ALDH7A1: variants seen among roughly 807,000 people sequenced by gnomAD.
ALDH7A1 encodes the protein aldehyde dehydrogenase 7 family member A1, also known as alpha-aminoadipic semialdehyde dehydrogenase.
Under a neutral mutation model 79.9 loss-of-function variants are expected in ALDH7A1, and 63 were observed. That is an observed-to-expected ratio of 0.79 (90% CI 0.64 to 0.97). The LOEUF (loss-of-function observed/expected upper bound fraction) is 0.97, where lower values mean the gene tolerates loss of function less well. Ranked by LOEUF, ALDH7A1 falls within the 50% of genes least tolerant of loss-of-function variation. The pLI is 0.00. For synonymous variants in ALDH7A1, 240 were observed against 231.2 expected (o/e 1.04, Z -0.34); for missense variants, 627 against 665.2 (o/e 0.94, Z 0.63).
Position 126,594,610 on chromosome 5 carries a change from A to G in ALDH7A1, c.192+397T>C, listed in dbSNP as rs191195826. The stretch of plus-strand genomic sequence containing the variant: ...CAGGCATGCGCCACCACGCCCGGCT[A>G]TTTTGTATTTTTTTTAGTAGAGACA... On this transcript the variant is annotated intron_variant, in intron 1 of 17. Coordinates refer to ENST00000409134, the MANE Select transcript of ALDH7A1 (RefSeq NM_001182.5). Among the ~76,000 whole-genome samples the G allele has an allele frequency of 1.6e-3, 240 of 151,126 alleles. 1 individual carries two copies. Among genetic ancestry groups the G allele is most frequent in the Middle Eastern group, 6.8e-3 (2 of 294 alleles).
In ALDH7A1 at chr5:126,549,226, G is replaced by T. The variant is rs76906689; in HGVS notation, c.1489+703C>A. ...GGAGTGCAGGGGCAAGGGGTGAACT[G>T]AAAACAGCAAAGTCCGTGCATCAAA... On this transcript the variant is annotated intron_variant, in intron 16 of 17. Coordinates refer to ENST00000409134, the MANE Select transcript of ALDH7A1 (RefSeq NM_001182.5). 5.4e-3 allele frequency among the ~76,000 whole-genome samples: 821 copies of T among 152,206 alleles called. 3 individuals carry two copies. Among genetic ancestry groups the T allele is most frequent in the Middle Eastern group, 0.02 (6 of 294 alleles).
chr5:126,567,189 T>G (rs1750611768), intron 9 of ALDH7A1, among the ~76,000 whole-genome samples: 1 of 152,158 alleles, frequency 6.6e-6, no homozygotes, highest in South Asian at 2.1e-4. Context: ...TGCTAGCCAA[T>G]TGGGAGAAAT....
chr5:126,584,683 T>C (rs1751301332), intron 3 of ALDH7A1, among the ~76,000 whole-genome samples: 1 of 123,206 alleles, frequency 8.1e-6, no homozygotes, highest in Non-Finnish European at 1.7e-5. Context: ...AAAAAAAGAT[T>C]GCAGTGGTAA....
chr5:126,588,097 T>A (rs376152749), intron 3 of ALDH7A1: 4 of 152,278 alleles, frequency 2.6e-5, no homozygotes, highest in African/African-American at 9.6e-5. Flanking sequence ...AGATCCTGAA[T>A]GTGAAAATAG....
In ALDH7A1 at chr5:126,550,160, G is replaced by C. The variant is rs7737529; in HGVS notation, c.1415+36C>G. 3,085 of 1,592,768 alleles carry C rather than the reference G, an allele frequency of 1.9e-3. 51 individuals carry two copies. The African/African-American group carries it at 0.037, about 19-fold the overall frequency. On this transcript the variant is annotated intron_variant, in intron 15 of 17. Transcript: ENST00000409134. ...TTAAGTCCACTCACCACATAAATCA[G>C]ACTTATATAAATTTTCAAAATAGAC... is the stretch of plus-strand genomic sequence containing the variant.
intron 7 of ALDH7A1, among the ~76,000 whole-genome samples, chr5:126,572,657 A>G (rs527322116): frequency 6.6e-6 from 1 of 152,368 alleles, no homozygotes; most frequent in South Asian, 2.1e-4. Flanking sequence ...TCCTGAGTGC[A>G]GTGACACTTG....
chr5:126,582,701 T>C, intron 5 of ALDH7A1, 150 bp downstream of exon 5: 3 of 931,874 alleles, frequency 3.2e-6, no homozygotes, highest in South Asian at 1.6e-5. Flanking sequence ...CTGTTTTAAT[T>C]TGCATTTCTT....
chr5:126,544,811 CTT>C lies in ALDH7A1; in HGVS notation c.*152_*153del. ...ATTTTGATTTTTAAAAAAGGAATCT[CTT>C]GATTTAATCAGGGCTTTGGGGTCAT... On this transcript the variant is annotated 3_prime_UTR_variant, in exon 18 of 18. Transcript: ENST00000409134. The C allele has an allele frequency of 3.1e-6, 2 of 655,574 alleles. No homozygotes were observed. The highest frequency in any genetic ancestry group is 5.4e-6 in the Non-Finnish European group (2 of 370,094). 40.6% of individuals were successfully genotyped at this position (655,574 alleles called of 1,614,324 possible).
At chr5:126,564,494 G>C in intron 9 of ALDH7A1, 3 of 1,231,078 alleles carry the variant, frequency 2.4e-6, no homozygotes, top group Non-Finnish European at 3.1e-6. Flanking sequence ...ATTTCCTTAA[G>C]TGCACTTTAA....
intron 3 of ALDH7A1, chr5:126,591,831 A>T (rs2041379663): frequency 6.6e-6 from 1 of 151,882 alleles, no homozygotes; most frequent in South Asian, 2.1e-4. Flanking sequence ...AATGGTGGAG[A>T]CTCAGAGACC....
In ALDH7A1 at chr5:126,595,095, T is replaced by C. The variant is rs547648880; in HGVS notation, c.104A>G (p.Asn35Ser). 2.5e-6 allele frequency: 4 copies of C among 1,600,086 alleles called. No homozygotes were observed. Among genetic ancestry groups the C allele is most frequent in the East Asian group, 2.3e-5 (1 of 44,184 alleles). The change falls in exon 1 of 18, where the codon AAT becomes AGT. Residue 35 changes from asparagine to serine, a missense_variant. Asn to Ser is a conservative substitution (Grantham distance 46, BLOSUM62 1). Transcript: ENST00000409134. ...PAAFMSTLLI[N>S]QPQYAWLKEL... ...TTTCAGCCACGCATACTGGGGCTGATTGATGAGGAGAGTGGACATGAAGGC... is the reference window on the plus strand; with the variant it reads ...TTTCAGCCACGCATACTGGGGCTGACTGATGAGGAGAGTGGACATGAAGGC...
chr5:126,593,608 CT>C (rs1330759537), intron 1 of ALDH7A1: 3 of 716,098 alleles, frequency 4.2e-6, no homozygotes, highest in Non-Finnish European at 6.8e-6. Context: ...AACTACCTTT[CT>C]GCAAAACTCG....
rs370600434 is a variant in ALDH7A1, at chr5:126,565,631, T to C, written c.871+2628A>G. 4.5e-4 allele frequency among the ~76,000 whole-genome samples: 68 copies of C among 152,316 alleles called. No individual in the cohort carries two copies. In the South Asian group the frequency reaches 0.013, roughly 28 times the overall value. On this transcript the variant is annotated intron_variant, in intron 9 of 17. Transcript: ENST00000409134. ...ATTTTGATAAAAACTAATTTGTCTT[T>C]TAATTGTTGTTGCTTGTGCTTTAGT...
rs386404930 is a variant in ALDH7A1 at position 126,571,150 on chromosome 5, A to ATTTTTTTTT, written c.696-300_696-292dup. 556 of 221,784 alleles carry ATTTTTTTTT rather than the reference A, an allele frequency of 2.5e-3. 20 individuals are homozygous for ATTTTTTTTT. Among genetic ancestry groups the ATTTTTTTTT allele is most frequent in the African/African-American group, 0.012 (449 of 37,030 alleles). The allele number at this position is 221,784 out of a possible 1,614,324, so 13.7% of individuals were successfully genotyped here. On this transcript the variant is annotated intron_variant, in intron 7 of 17. Coordinates refer to ENST00000409134, the MANE Select transcript of ALDH7A1 (RefSeq NM_001182.5). Reference sequence around the variant, plus strand: ...GCCGTTTTCAAAAAACTATTAGCAGATTTTTTTTTTTTTTTTTTTTTTTTT... The same window carrying ATTTTTTTTT: ...GCCGTTTTCAAAAAACTATTAGCAGATTTTTTTTTTTTTTTTTTTTTTTTTTTTTTTTTT...
chr5:126,575,837 G>C (rs1750946040), intron 6 of ALDH7A1, among the ~76,000 whole-genome samples: 1 of 152,218 alleles, frequency 6.6e-6, no homozygotes, highest in Non-Finnish European at 1.5e-5. Context: ...ACTACACAAT[G>C]AACCTTTTTA....
intron 10 of ALDH7A1, among the ~76,000 whole-genome samples, chr5:126,559,736 G>A (rs762973082): frequency 2.6e-5 from 4 of 151,940 alleles, no homozygotes; most frequent in East Asian, 1.9e-4. Flanking sequence ...CCCGGCAAAC[G>A]TTTTTATAAA....
At position 126,552,051 on chromosome 5, in the gene ALDH7A1, A is replaced by G. The variant is rs375030056; in HGVS notation, c.1287T>C (p.Phe429=). The G allele has an allele frequency of 1.2e-4, 186 of 1,613,774 alleles. No individual in the cohort carries two copies. Among genetic ancestry groups the G allele is most frequent in the Non-Finnish European group, 1.5e-4 (179 of 1,179,974 alleles). ...ATTTAAAGACATAGAGAATCGGAGCAAAAGTCTCTGTGTGTGCAATGGACG... is the reference window on the plus strand; with the variant it reads ...ATTTAAAGACATAGAGAATCGGAGCGAAAGTCTCTGTGTGTGCAATGGACG... ...HDASIAHTET[F]APILYVFKFK... is the part of the protein sequence containing the mutation. Residue 429 remains phenylalanine (F), a synonymous_variant, in exon 14 of 18, where the codon TTT becomes TTC. Coordinates refer to ENST00000409134, the MANE Select transcript of ALDH7A1 (RefSeq NM_001182.5).
At chr5:126,550,166 T>C (rs1030404818) in intron 15 of ALDH7A1, 30 bp downstream of exon 15, 10 of 1,599,276 alleles carry the variant, frequency 6.3e-6, no homozygotes, top group Admixed American at 3.3e-5. Context: ...ATCAGACTTA[T>C]ATAAATTTTC....
At chr5:126,580,272 T>C (rs1751127340) in intron 5 of ALDH7A1, among the ~76,000 whole-genome samples, 1 of 152,024 alleles carries the variant, frequency 6.6e-6, no homozygotes, top group African/African-American at 2.4e-5. Context: ...CTAATCCGTA[T>C]TTTTATTAGA....
Sources: gnomAD v4.1 joint callset for allele counts (sites outside exome capture counted in the v4.1 genomes callset) on GRCh38, gnomAD v4.1.1 for gene constraint, MANE v1.5 for transcripts, NCBI Gene and HGNC (gene_info 2026-07-23, HGNC 2026-07-21) for gene names.